The following PTPRD variants were observed in gnomAD, a reference collection of about 807,000 sequenced individuals.
PTPRD encodes the protein protein tyrosine phosphatase receptor type D.
PTPRD carries 34 observed loss-of-function variants against 214.5 expected under a neutral mutation model. The observed-to-expected ratio is 0.16, with a 90% confidence interval of 0.12 to 0.21. The LOEUF is 0.21. PTPRD is among the 10% of genes least tolerant of loss of function. The probability of loss-of-function intolerance (pLI) is 1.00; values close to 1 mark genes in which losing one functional copy is unlikely to be tolerated. For missense variants in PTPRD, 2,545 were observed against 2,398.7 expected, an observed-to-expected ratio of 1.06 and a Z score of -1.27; for synonymous variants, 1,128 against 845.7, an observed-to-expected ratio of 1.33 and a Z score of -5.79.
At chr9:9,984,344 C>G (rs898175256) in intron 4 of PTPRD, among the ~76,000 whole-genome samples, 2 of 152,080 alleles carry the variant, frequency 1.3e-5, no homozygotes, top group Non-Finnish European at 2.9e-5. Flanking sequence ...GAAAAAGTAG[C>G]CACAGAAGGA....
intron 19 of PTPRD, among the ~76,000 whole-genome samples, chr9:8,521,848 A>G (rs551447902): frequency 1.3e-5 from 2 of 152,350 alleles, no homozygotes; most frequent in Admixed American, 1.3e-4. Flanking sequence ...AACATCATGC[A>G]TAAGATAAAC....
chr9:8,693,127 T>A (rs2097843372), intron 12 of PTPRD, among the ~76,000 whole-genome samples: 1 of 152,216 alleles, frequency 6.6e-6, no homozygotes, highest in Admixed American at 6.5e-5. Context: ...TACTTGCTCG[T>A]GTCCTTTGCA....
At chr9:9,701,039 T>TAA (rs56157927) in intron 7 of PTPRD, among the ~76,000 whole-genome samples, 4 of 140,562 alleles carry the variant, frequency 2.8e-5, no homozygotes, top group South Asian at 4.5e-4. Context: ...ATCCTGAGAT[T>TAA]AAAAAAAAAA....
chr9:9,062,177 T>G (rs1463975842), intron 10 of PTPRD, among the ~76,000 whole-genome samples: 1 of 152,158 alleles, frequency 6.6e-6, no homozygotes. Flanking sequence ...ACATAAATGG[T>G]CTTGAATATA....
chr9:9,450,022 T>A lies in PTPRD; in HGVS notation c.-236-52540A>T, dbSNP rs544946331. ...TCCTGAGTTACTTTACTTAGAACAA[T>A]GGCTTCCAGCTCCAACCAAAGCGCT... On this transcript the variant is annotated intron_variant, in intron 8 of 45. Coordinates refer to ENST00000381196, the MANE Select transcript of PTPRD (RefSeq NM_002839.4). 3.3e-5 allele frequency among the ~76,000 whole-genome samples: 5 copies of A among 152,114 alleles called. No individual in the cohort carries two copies. In the East Asian group the frequency reaches 9.7e-4, roughly 29 times the overall value.
chr9:9,300,791 C>T (rs575072065), intron 9 of PTPRD, among the ~76,000 whole-genome samples: 1 of 151,922 alleles, frequency 6.6e-6, no homozygotes, highest in African/African-American at 2.4e-5. Flanking sequence ...GTTTATAAGC[C>T]ATACAATTTA....
intron 9 of PTPRD, among the ~76,000 whole-genome samples, chr9:9,219,642 T>A (rs2099954516): frequency 6.6e-6 from 1 of 152,164 alleles, no homozygotes; most frequent in Non-Finnish European, 1.5e-5. Flanking sequence ...TTCGAATGTA[T>A]CAAGAGCAAT....
chr9:9,031,315 G>C (rs1368637775), intron 10 of PTPRD, among the ~76,000 whole-genome samples: 1 of 151,990 alleles, frequency 6.6e-6, no homozygotes, highest in African/African-American at 2.4e-5. Context: ...GATTTATTCT[G>C]AGAAACGCAT....
At chr9:8,563,693 C>T (rs2087504407) in intron 14 of PTPRD, among the ~76,000 whole-genome samples, 1 of 151,224 alleles carries the variant, frequency 6.6e-6, no homozygotes, top group Admixed American at 6.6e-5. Context: ...CCTTGGCCTC[C>T]CTCTGTCACC....
At chr9:9,481,073 C>T (rs2095390690) in intron 8 of PTPRD, among the ~76,000 whole-genome samples, 2 of 151,994 alleles carry the variant, frequency 1.3e-5, no homozygotes, top group Non-Finnish European at 2.9e-5. Flanking sequence ...AGAATGTGCA[C>T]TCAGTATACA....
chr9:8,477,623 G>A (rs974076900), intron 30 of PTPRD, among the ~76,000 whole-genome samples: 3 of 152,102 alleles, frequency 2.0e-5, no homozygotes, highest in Admixed American at 2.0e-4. Context: ...AAGCCTCCTG[G>A]CTTTACCGCT....
chr9:8,634,669 T>C (rs2096371401), intron 13 of PTPRD, among the ~76,000 whole-genome samples: 1 of 152,052 alleles, frequency 6.6e-6, no homozygotes, highest in Non-Finnish European at 1.5e-5. Flanking sequence ...AGTTTCATAG[T>C]TTCATATTGG....
chr9:10,410,775 G>C (rs7019217), intron 2 of PTPRD, among the ~76,000 whole-genome samples: 113,225 of 151,668 alleles, frequency 0.75, 42,841 homozygotes, highest in East Asian at 0.81. Context: ...AGAAGTGTAA[G>C]AGTTTGCTCA....
intron 11 of PTPRD, among the ~76,000 whole-genome samples, chr9:8,799,826 T>C (rs2096535407): frequency 6.6e-6 from 1 of 152,126 alleles, no homozygotes; most frequent in African/African-American, 2.4e-5. Flanking sequence ...CTTCTAATGT[T>C]TTGATCTCCC....
chr9:10,536,679 G>C (rs374268381), intron 2 of PTPRD, among the ~76,000 whole-genome samples: 1 of 152,152 alleles, frequency 6.6e-6, no homozygotes, highest in African/African-American at 2.4e-5. Context: ...CCTGTTCCTG[G>C]TTAACACAGA....
At chr9:8,719,862 GAAAA>G (rs374144247) in intron 12 of PTPRD, among the ~76,000 whole-genome samples, 1 of 138,444 alleles carries the variant, frequency 7.2e-6, no homozygotes, top group African/African-American at 2.6e-5. Flanking sequence ...AAAAGAAAAA[GAAAA>G]AAAAAAAACC....
intron 5 of PTPRD, among the ~76,000 whole-genome samples, chr9:9,926,841 C>G (rs949562396): frequency 6.6e-6 from 1 of 152,062 alleles, no homozygotes; most frequent in Non-Finnish European, 1.5e-5. Context: ...GTATTTTAAG[C>G]TGTACATTTT....
chr9:10,530,280 A>C (rs2055818860), intron 2 of PTPRD, among the ~76,000 whole-genome samples: 1 of 151,024 alleles, frequency 6.6e-6, no homozygotes, highest in African/African-American at 2.4e-5. Context: ...TCATTATTTA[A>C]AGGTATCCAG....
At chr9:9,353,210 T>A (rs1012495529) in intron 9 of PTPRD, among the ~76,000 whole-genome samples, 1 of 151,900 alleles carries the variant, frequency 6.6e-6, no homozygotes, top group Non-Finnish European at 1.5e-5. Context: ...GTTACCAAAG[T>A]GCCAAAATAT....
Sources: allele counts gnomAD v4.1 joint callset (sites outside exome capture counted in the v4.1 genomes callset), GRCh38; gene constraint gnomAD v4.1.1; transcripts MANE v1.5; gene names NCBI Gene and HGNC (gene_info 2026-07-23, HGNC 2026-07-21).